NPHP1: variants seen among roughly 807,000 people sequenced by gnomAD.
NPHP1 encodes the protein nephrocystin 1.
A neutral mutation model predicts 90.4 loss-of-function variants in NPHP1; 70 were observed. The observed-to-expected ratio is 0.77, with a 90% CI of 0.64 to 0.95. The LOEUF is 0.95. NPHP1 is among the 40% of genes least tolerant of loss of function. The pLI is 0.00. For synonymous variants in NPHP1, 256 were observed against 271.7 expected (o/e 0.94, Z 0.57); for missense variants, 764 against 795.9 (o/e 0.96, Z 0.48).
At chr2:110,162,173 G>C (rs2104550417) in intron 9 of NPHP1, among the ~76,000 whole-genome samples, 1 of 152,208 alleles carries the variant, frequency 6.6e-6, no homozygotes, top group Admixed American at 6.5e-5. Flanking sequence ...TGCTACACCA[G>C]GTTCTAGAAA....
rs756580864 is a variant in NPHP1 at position 110,144,563 on chromosome 2, A to G, written c.1359T>C (p.Tyr453=). ...ASGVPIPAKT[Y]ELFLNGGTPY... ...GAGTACCACCATTCAAGAAAAGCTC[A>G]TAAGTTCTATAAAAGAATAACATAC... The change falls in exon 15 of 20, where the codon TAT becomes TAC. Residue 453 remains tyrosine, a synonymous_variant. Coordinates refer to ENST00000445609, the MANE Select transcript of NPHP1 (RefSeq NM_001128178.3). The G allele has an allele frequency of 7.0e-6, 11 of 1,581,192 alleles. No homozygotes were observed. The highest frequency in any genetic ancestry group is 9.6e-6 in the Non-Finnish European group (11 of 1,150,140).
chr2:110,133,003 G>T (rs913549388), intron 16 of NPHP1, among the ~76,000 whole-genome samples: 1 of 151,972 alleles, frequency 6.6e-6, no homozygotes, highest in African/African-American at 2.4e-5. Context: ...AACAAAAAAA[G>T]CTATAAGATA....
chr2:110,165,960 G>A (rs114259789), intron 6 of NPHP1, among the ~76,000 whole-genome samples: 1,569 of 152,182 alleles, frequency 0.01, 25 homozygotes, highest in African/African-American at 0.036. Context: ...AGTGCCATTC[G>A]CAAAGAAGAT....
intron 16 of NPHP1, 111 bp from the exon 17 acceptor site, chr2:110,131,902 G>A: frequency 6.9e-6 from 5 of 721,530 alleles, no homozygotes; most frequent in Non-Finnish European, 1.2e-5. Context: ...TTCATTACTG[G>A]AACACATTTT....
In NPHP1 at chr2:110,168,561, C is replaced by T; in HGVS notation, c.523-8G>A. On this transcript the variant is annotated splice_region_variant and splice_polypyrimidine_tract_variant and intron_variant, in intron 5 of 19. Coordinates refer to ENST00000445609, the MANE Select transcript of NPHP1 (RefSeq NM_001128178.3). Reference sequence around the variant, plus strand: ...AAGGAGAATTTCCCCTTTCTTAAAGCAAAACAAAGTAAACCATTTTAAATA... The same window carrying T: ...AAGGAGAATTTCCCCTTTCTTAAAGTAAAACAAAGTAAACCATTTTAAATA... 6.5e-7 allele frequency: 1 copy of T among 1,534,044 alleles called. No homozygotes were observed. The highest frequency in any genetic ancestry group is 9.0e-7 in the Non-Finnish European group (1 of 1,107,470).
chr2:110,170,039 T>A, intron 4 of NPHP1, 41 bp from the exon 5 acceptor site: 1 of 1,611,264 alleles, frequency 6.2e-7, no homozygotes, highest in Non-Finnish European at 8.5e-7. Context: ...TGAAATAATA[T>A]ACAAGAACAG....
chr2:110,127,828 A>T (rs1679475316), intron 18 of NPHP1: 1 of 152,178 alleles, frequency 6.6e-6, no homozygotes, highest in African/African-American at 2.4e-5. Context: ...CAAGGTGCAG[A>T]TTCCTGTTAC....
intron 14 of NPHP1, among the ~76,000 whole-genome samples, chr2:110,145,552 A>G (rs1680980624): frequency 6.6e-6 from 1 of 152,094 alleles, no homozygotes; most frequent in Admixed American, 6.5e-5. Context: ...GGCCTCCCAA[A>G]GTGCTGAGAT....
intron 18 of NPHP1, chr2:110,128,722 T>C (rs564614892): frequency 4.8e-6 from 1 of 209,594 alleles, no homozygotes; most frequent in Non-Finnish European, 9.7e-6. Context: ...CTAAACCATA[T>C]GAAACTGCCA....
At position 110,126,191 on chromosome 2, in the gene NPHP1, G is replaced by C. The variant is rs546525645; in HGVS notation, c.1717-510C>G. 1.7e-4 allele frequency: 28 copies of C among 166,556 alleles called. 2 individuals carry two copies. The South Asian group carries it at 3.3e-3, about 20-fold the overall frequency. The allele number at this position is 166,556 out of a possible 1,614,324, so 10.3% of individuals were successfully genotyped here. A position where few individuals can be genotyped will look rare whatever the true frequency, so the allele number is the denominator to read the frequency against. On this transcript the variant is annotated intron_variant, in intron 18 of 19. Coordinates refer to ENST00000445609, the MANE Select transcript of NPHP1 (RefSeq NM_001128178.3). ...TTTCCTCAAATAAATAAAAACCCCA[G>C]AGTTCAATTAGTCCCACAGAAGTAT...
chr2:110,124,670 G>A (rs984579571), intron 19 of NPHP1: 8 of 178,532 alleles, frequency 4.5e-5, no homozygotes, highest in African/African-American at 1.9e-4. Context: ...AGCACAGCAA[G>A]TTGAGGGCAG....
At chr2:110,144,607 T>C (rs768932554) in intron 14 of NPHP1, 38 bp from the exon 15 acceptor site, 30 of 1,284,344 alleles carry the variant, frequency 2.3e-5, no homozygotes, top group Non-Finnish European at 3.2e-5. Flanking sequence ...ATATAAGCTG[T>C]GGGCATGTAG....
rs928865817 is a variant in NPHP1 at position 110,143,203 on chromosome 2, T to C, written c.1529+339A>G. On this transcript the variant is annotated intron_variant, in intron 16 of 19. Transcript: ENST00000445609. The stretch of plus-strand genomic sequence containing the variant: ...ACAAAGAATTATAAACTAAAAAGAG[T>C]AAATTTTACTGCATGTAAATTATAT... 2.6e-5 allele frequency among the ~76,000 whole-genome samples: 4 copies of C among 152,016 alleles called. No homozygotes were observed. The East Asian group carries it at 5.8e-4, about 22-fold the overall frequency.
At chr2:110,147,812 CA>C in intron 13 of NPHP1, 103 bp downstream of exon 13, 1 of 725,420 alleles carries the variant, frequency 1.4e-6, no homozygotes, top group Admixed American at 2.2e-5. Flanking sequence ...GATTAAAATT[CA>C]ATTACACATA....
chr2:110,177,105 G>C (rs550737838), intron 4 of NPHP1, among the ~76,000 whole-genome samples: 1 of 152,286 alleles, frequency 6.6e-6, no homozygotes, highest in South Asian at 2.1e-4. Flanking sequence ...CCAGGGAAAA[G>C]GTCTAGGTGA....
intron 18 of NPHP1, chr2:110,128,634 C>T (rs1679541811): frequency 6.4e-6 from 1 of 157,258 alleles, no homozygotes; most frequent in African/African-American, 2.4e-5. Context: ...ATACCTCCCC[C>T]ATGGCACTTG....
chr2:110,200,547 A>G (rs1685509029), intron 2 of NPHP1, among the ~76,000 whole-genome samples: 1 of 152,220 alleles, frequency 6.6e-6, no homozygotes, highest in African/African-American at 2.4e-5. Context: ...TGGGTGACAG[A>G]GTGAGATTTA....
At position 110,173,629 on chromosome 2, in the gene NPHP1, C is replaced by T. The variant is rs545931539; in HGVS notation, c.330-3631G>A. ...GTACAGTATTCAGCACAGTAACATG[C>T]TGTACAGGTTTGTAGCCTAGGAGCA... On this transcript the variant is annotated intron_variant, in intron 4 of 19. Transcript: ENST00000445609. Among the ~76,000 whole-genome samples the T allele has an allele frequency of 3.9e-5, 6 of 152,326 alleles. No individual in the cohort carries two copies. The South Asian group carries it at 1.2e-3, about 32-fold the overall frequency.
intron 2 of NPHP1, among the ~76,000 whole-genome samples, chr2:110,201,156 G>C (rs1685550708): frequency 6.6e-6 from 1 of 152,094 alleles, no homozygotes; most frequent in African/African-American, 2.4e-5. Context: ...TTTCTGACCA[G>C]GTCACAGGAT....
Sources: gnomAD v4.1 joint callset for allele counts (sites outside exome capture counted in the v4.1 genomes callset) on GRCh38, gnomAD v4.1.1 for gene constraint, MANE v1.5 for transcripts, NCBI Gene and HGNC (gene_info 2026-07-23, HGNC 2026-07-21) for gene names.